The following LRP1B variants were observed in gnomAD, a reference collection of about 807,000 sequenced individuals.
LRP1B encodes the protein LDL receptor related protein 1B, also known as low-density lipoprotein receptor-related protein 1B.
Under a neutral mutation model 556.6 loss-of-function variants are expected in LRP1B, and 217 were observed. The observed-to-expected ratio is 0.39, with a 90% CI of 0.35 to 0.44. The LOEUF (loss-of-function observed/expected upper bound fraction) is 0.44. LRP1B is among the 20% of genes least tolerant of loss of function. The pLI, the probability that LRP1B is intolerant of heterozygous loss-of-function variation, is 1.00. For missense variants in LRP1B, 5,053 were observed against 5,620.8 expected, an observed-to-expected ratio of 0.90 and a Z score of 3.23; for synonymous variants, 2,047 against 1,865.8, an observed-to-expected ratio of 1.10 and a Z score of -2.50.
rs191167484 is a variant in LRP1B at position 141,786,622 on chromosome 2, G to A, written c.205+23657C>T. Among the ~76,000 whole-genome samples the A allele has an allele frequency of 1.0e-3, 154 of 151,832 alleles. 3 individuals are homozygous for A. Among genetic ancestry groups the A allele is most frequent in the African/African-American group, 3.5e-3 (144 of 41,448 alleles). On this transcript the variant is annotated intron_variant, in intron 2 of 90. Transcript: ENST00000389484. Reference sequence around the variant, plus strand: ...GTGTTTCTTTCTTTCCAACATGTCTGCCTTTGATTTCCTTTGCTTGTCTTA... The same window carrying A: ...GTGTTTCTTTCTTTCCAACATGTCTACCTTTGATTTCCTTTGCTTGTCTTA...
intron 3 of LRP1B, among the ~76,000 whole-genome samples, chr2:141,464,868 T>C (rs1159964645): frequency 6.6e-6 from 1 of 151,914 alleles, no homozygotes; most frequent in Non-Finnish European, 1.5e-5. Context: ...TAAAAAGTGT[T>C]AGAAGTAATC....
chr2:140,827,434 A>G (rs1319549258), intron 31 of LRP1B, among the ~76,000 whole-genome samples: 1 of 152,074 alleles, frequency 6.6e-6, no homozygotes, highest in Non-Finnish European at 1.5e-5. Flanking sequence ...ATAATTTTTA[A>G]AAATCAAACA....
At chr2:140,667,085 A>T (rs2105350711) in intron 41 of LRP1B, among the ~76,000 whole-genome samples, 1 of 152,326 alleles carries the variant, frequency 6.6e-6, no homozygotes, top group East Asian at 1.9e-4. Context: ...GTTTTCAGAA[A>T]GTTAGGCGCA....
intron 23 of LRP1B, among the ~76,000 whole-genome samples, chr2:140,895,600 G>T (rs1284940808): frequency 6.6e-6 from 1 of 152,166 alleles, no homozygotes; most frequent in South Asian, 2.1e-4. Flanking sequence ...TGGCTTAAGT[G>T]TTTAACAGCT....
chr2:140,917,569 A>C (rs1186070480), intron 21 of LRP1B, among the ~76,000 whole-genome samples: 1 of 152,204 alleles, frequency 6.6e-6, no homozygotes, highest in Non-Finnish European at 1.5e-5. Context: ...GCATATTACA[A>C]GGTGAAAGAA....
chr2:142,000,975 C>A (rs959895472), intron 1 of LRP1B, among the ~76,000 whole-genome samples: 3 of 152,132 alleles, frequency 2.0e-5, no homozygotes, highest in Admixed American at 2.0e-4. Flanking sequence ...AAGTGAATCA[C>A]AGGGGTGGTT....
At chr2:141,164,085 CAG>C (rs751062796) in intron 7 of LRP1B, among the ~76,000 whole-genome samples, 4 of 151,920 alleles carry the variant, frequency 2.6e-5, no homozygotes, top group Admixed American at 6.6e-5. Flanking sequence ...AATTGGATGA[CAG>C]AGAATTTAAA....
intron 1 of LRP1B, among the ~76,000 whole-genome samples, chr2:141,854,789 T>C (rs1697991509): frequency 6.6e-6 from 1 of 152,074 alleles, no homozygotes; most frequent in Non-Finnish European, 1.5e-5. Flanking sequence ...TTTTCTTCTA[T>C]AGAACAGTTT....
chr2:140,831,369 T>C (rs1026618770), intron 31 of LRP1B, among the ~76,000 whole-genome samples: 1 of 152,054 alleles, frequency 6.6e-6, no homozygotes, highest in Non-Finnish European at 1.5e-5. Flanking sequence ...AATAAATCCA[T>C]ACACTTACAG....
At chr2:141,045,439 A>G (rs913749966) in intron 11 of LRP1B, among the ~76,000 whole-genome samples, 1 of 55,798 alleles carries the variant, frequency 1.8e-5, no homozygotes, top group Non-Finnish European at 4.0e-5. Context: ...TAAATAAATT[A>G]ATTAATTAAT....
intron 3 of LRP1B, among the ~76,000 whole-genome samples, chr2:141,438,032 C>CTTAT (rs1383760785): frequency 2.0e-5 from 3 of 152,044 alleles, no homozygotes; most frequent in African/African-American, 7.2e-5. Flanking sequence ...GACTATATAA[C>CTTAT]ATTTGGAAGT....
intron 1 of LRP1B, among the ~76,000 whole-genome samples, chr2:141,870,370 C>G (rs972854442): frequency 3.3e-5 from 5 of 151,868 alleles, no homozygotes; most frequent in African/African-American, 1.2e-4. Flanking sequence ...TTTATACCAG[C>G]AAACCACACT....
chr2:140,739,708 G>T (rs369299274), intron 35 of LRP1B, among the ~76,000 whole-genome samples: 1 of 152,026 alleles, frequency 6.6e-6, no homozygotes, highest in Non-Finnish European at 1.5e-5. Flanking sequence ...AAAAAATACC[G>T]CTGATTGGAT....
intron 1 of LRP1B, among the ~76,000 whole-genome samples, chr2:141,964,629 A>G (rs1160403216): frequency 6.6e-6 from 1 of 151,094 alleles, no homozygotes. Context: ...TTAGACCTAA[A>G]ACCATAAAAA....
intron 2 of LRP1B, among the ~76,000 whole-genome samples, chr2:141,611,137 GAAT>G (rs1688095957): frequency 6.6e-6 from 1 of 152,198 alleles, no homozygotes; most frequent in African/African-American, 2.4e-5. Context: ...AGTCCACATA[GAAT>G]AATGACAGAA....
At chr2:141,773,023 T>TG (rs1319837118) in intron 2 of LRP1B, among the ~76,000 whole-genome samples, 2 of 152,092 alleles carry the variant, frequency 1.3e-5, no homozygotes. Context: ...TCTAACTGGG[T>TG]GGGGGTAATA....
chr2:140,849,376 AAAAAAC>A (rs1208798656), intron 29 of LRP1B, among the ~76,000 whole-genome samples: 7 of 69,180 alleles, frequency 1.0e-4, no homozygotes, highest in African/African-American at 3.1e-4. Flanking sequence ...TGTCTCAAAA[AAAAAAC>A]AAAAAACAAA....
chr2:140,534,179 A>G, intron 46 of LRP1B, 39 bp from the exon 47 acceptor site: 3 of 1,565,300 alleles, frequency 1.9e-6, no homozygotes, highest in Middle Eastern at 1.7e-4. Context: ...CAGAGATCAT[A>G]TAGAAATATT....
At chr2:142,118,083 T>C (rs1339225991) in intron 1 of LRP1B, among the ~76,000 whole-genome samples, 1 of 152,188 alleles carries the variant, frequency 6.6e-6, no homozygotes, top group Non-Finnish European at 1.5e-5. Context: ...CATTTTCTTT[T>C]GCCTGCAGAA....
Sources: gnomAD v4.1 joint callset for allele counts (sites outside exome capture counted in the v4.1 genomes callset) on GRCh38, gnomAD v4.1.1 for gene constraint, MANE v1.5 for transcripts, NCBI Gene and HGNC (gene_info 2026-07-23, HGNC 2026-07-21) for gene names.